COL23A1: variants seen among roughly 807,000 people sequenced by gnomAD.
COL23A1 encodes the protein collagen type XXIII alpha 1 chain.
COL23A1 carries 97 observed loss-of-function variants against 99.3 expected under a neutral mutation model. The observed-to-expected ratio is 0.98, with a 90% CI of 0.83 to 1.16. The LOEUF is 1.16. Among genes scored for constraint, COL23A1 ranks in the 50% most tolerant of loss-of-function variants. The pLI is 0.00. For missense variants in COL23A1, 762 were observed against 757.4 expected, an observed-to-expected ratio of 1.01 and a Z score of -0.07; for synonymous variants, 320 against 308.2, an observed-to-expected ratio of 1.04 and a Z score of -0.40.
At chr5:178,505,803 T>C (rs1758835959) in intron 2 of COL23A1, among the ~76,000 whole-genome samples, 1 of 152,104 alleles carries the variant, frequency 6.6e-6, no homozygotes, top group South Asian at 2.1e-4. Context: ...GCATCCAGAA[T>C]GGGCCCAGAG....
intron 2 of COL23A1, among the ~76,000 whole-genome samples, chr5:178,487,287 G>GTTTTTTTTT (rs778127626): frequency 7.3e-6 from 1 of 137,462 alleles, no homozygotes; most frequent in African/African-American, 2.7e-5. Context: ...ACCAGCCTCA[G>GTTTTTTTTT]TTTTATTTAT....
chr5:178,257,334 A>G (rs1489357635), intron 13 of COL23A1, among the ~76,000 whole-genome samples, 189 bp downstream of exon 13: 1 of 152,110 alleles, frequency 6.6e-6, no homozygotes, highest in Non-Finnish European at 1.5e-5. Flanking sequence ...AGGGAGGCAC[A>G]TGGCCCGGGT....
intron 1 of COL23A1, among the ~76,000 whole-genome samples, chr5:178,566,998 G>C (rs1047977446): frequency 2.6e-5 from 4 of 152,126 alleles, no homozygotes; most frequent in Admixed American, 6.5e-5. Context: ...TGAGTAATGA[G>C]AGCCAGGTTT....
At chr5:178,305,356 A>G (rs1758294540) in intron 3 of COL23A1, among the ~76,000 whole-genome samples, 1 of 152,026 alleles carries the variant, frequency 6.6e-6, no homozygotes, top group South Asian at 2.1e-4. Flanking sequence ...GCCCAGCTCC[A>G]GGGAGAAGAG....
intron 28 of COL23A1, 134 bp downstream of exon 28, chr5:178,239,007 C>G (rs1202354596): frequency 5.9e-6 from 6 of 1,023,830 alleles, no homozygotes; most frequent in African/African-American, 1.6e-5. Flanking sequence ...GGAAACCTGG[C>G]TATTCAGTCA....
intron 2 of COL23A1, among the ~76,000 whole-genome samples, chr5:178,491,035 AAGAGAGAAG>A (rs1417104581): frequency 6.6e-6 from 1 of 151,902 alleles, no homozygotes. Flanking sequence ...AAAGAAAGCT[AAGAGAGAAG>A]AGAGAGGAGA....
chr5:178,380,583 A>G (rs1258476470), intron 2 of COL23A1, among the ~76,000 whole-genome samples: 1 of 152,198 alleles, frequency 6.6e-6, no homozygotes, highest in African/African-American at 2.4e-5. Context: ...AACAGAATGT[A>G]TACATTTCTA....
rs1756868501 is a variant in COL23A1 at position 178,281,013 on chromosome 5, CTT to C, written c.441+7309_441+7310del. On this transcript the variant is annotated intron_variant, in intron 5 of 28. Coordinates refer to ENST00000390654, the MANE Select transcript of COL23A1 (RefSeq NM_173465.4). This position sits in a 1 kb window ranked among gnomAD's most constrained non-coding sequence, Gnocchi z 4.0. ...AAGACAAGAGGCTGGACTCAAGAGA[CTT>C]AGGGCCCTGGGGAGAACGGCCAGCA... 6.6e-6 allele frequency among the ~76,000 whole-genome samples: 1 copy of C among 152,144 alleles called. No individual in the cohort carries two copies. The highest frequency in any genetic ancestry group is 2.4e-5 in the African/African-American group (1 of 41,432).
intron 17 of COL23A1, among the ~76,000 whole-genome samples, chr5:178,252,075 G>T (rs528239416): frequency 6.6e-6 from 1 of 151,686 alleles, no homozygotes; most frequent in South Asian, 2.1e-4. Context: ...CACCACGCCC[G>T]GCTAATTTTT....
At position 178,516,602 on chromosome 5, in the gene COL23A1, G is replaced by A. The variant is rs141404158; in HGVS notation, c.361+44080C>T. On this transcript the variant is annotated intron_variant, in intron 2 of 28. Coordinates refer to ENST00000390654, the MANE Select transcript of COL23A1 (RefSeq NM_173465.4). ...GTGCTGAAATCTTATTTCCTGGAAC[G>A]CGCCAGGCCCTGTCTCTTTCCACGT... 5.1e-4 allele frequency among the ~76,000 whole-genome samples: 77 copies of A among 152,280 alleles called. 2 individuals carry two copies. The highest frequency in any genetic ancestry group is 1.7e-3 in the African/African-American group (70 of 41,564).
chr5:178,465,868 C>T (rs1313504316), intron 2 of COL23A1, among the ~76,000 whole-genome samples: 1 of 152,194 alleles, frequency 6.6e-6, no homozygotes, highest in African/African-American at 2.4e-5. Context: ...TACCAACCAG[C>T]GGTGGTGTGG....
chr5:178,486,511 C>A (rs148117650), intron 2 of COL23A1, among the ~76,000 whole-genome samples: 3 of 151,624 alleles, frequency 2.0e-5, no homozygotes, highest in East Asian at 2.0e-4. Flanking sequence ...ACGGTTACTA[C>A]GCTCAACGAG....
At position 178,308,454 on chromosome 5, in the gene COL23A1, A is replaced by G. The variant is rs1371962507; in HGVS notation, c.362-1535T>C. On this transcript the variant is annotated intron_variant, in intron 2 of 28. Coordinates refer to ENST00000390654, the MANE Select transcript of COL23A1 (RefSeq NM_173465.4). The surrounding 1 kb of genome is among the most constrained non-coding windows in gnomAD (Gnocchi z 5.1). ...CTTGGTTTTCTCCCATCCTGGACAC[A>G]GACCCTGAATTTGGGGTTTATGCTG... Among the ~76,000 whole-genome samples the G allele has an allele frequency of 6.6e-6, 1 of 152,218 alleles. No individual in the cohort carries two copies. The highest frequency in any genetic ancestry group is 2.4e-5 in the African/African-American group (1 of 41,460).
chr5:178,397,611 C>T (rs1168938534), intron 2 of COL23A1, among the ~76,000 whole-genome samples: 1 of 152,244 alleles, frequency 6.6e-6, no homozygotes, highest in African/African-American at 2.4e-5. Context: ...GCCATAAATG[C>T]ACCTGCTGTT....
rs953460856 is a variant in COL23A1, at chr5:178,309,908, G to A, written c.362-2989C>T. ...GTCCCCAACTCCCACTGCAGGACAC[G>A]ACCAAGTGATGTGTGTTCAGGGGAG... is the stretch of plus-strand genomic sequence containing the variant. On this transcript the variant is annotated intron_variant, in intron 2 of 28. Coordinates refer to ENST00000390654, the MANE Select transcript of COL23A1 (RefSeq NM_173465.4). The surrounding 1 kb of genome is among the most constrained non-coding windows in gnomAD (Gnocchi z 4.7). Among the ~76,000 whole-genome samples the A allele has an allele frequency of 9.4e-4, 139 of 147,284 alleles. No individual in the cohort carries two copies. The highest frequency in any genetic ancestry group is 5.8e-4 in the Non-Finnish European group (39 of 66,702).
chr5:178,468,863 C>T lies in COL23A1; in HGVS notation c.361+91819G>A, dbSNP rs1260623515. On this transcript the variant is annotated intron_variant, in intron 2 of 28. Transcript: ENST00000390654. This position sits in a 1 kb window ranked among gnomAD's most constrained non-coding sequence, Gnocchi z 4.2. The stretch of plus-strand genomic sequence containing the variant: ...CCATCAGCACCCTCCACCTCCAGGA[C>T]GTTTTCATCTTCCCCTGCTGAAACT... 1.3e-5 allele frequency among the ~76,000 whole-genome samples: 2 copies of T among 152,168 alleles called. No homozygotes were observed. The highest frequency in any genetic ancestry group is 6.5e-5 in the Admixed American group (1 of 15,284).
chr5:178,534,285 T>C (rs1384592870), intron 2 of COL23A1, among the ~76,000 whole-genome samples: 2 of 152,124 alleles, frequency 1.3e-5, no homozygotes, highest in African/African-American at 4.8e-5. Context: ...CTGGGGTTCA[T>C]TTCCTAAGGG....
intron 2 of COL23A1, among the ~76,000 whole-genome samples, chr5:178,523,265 G>A (rs1434135313): frequency 1.4e-5 from 2 of 145,020 alleles, no homozygotes; most frequent in Admixed American, 1.4e-4. Flanking sequence ...GACAGAGAGA[G>A]AGAGAGAGAG....
At chr5:178,265,789 T>G (rs1755856325) in intron 8 of COL23A1, 5 of 853,382 alleles carry the variant, frequency 5.9e-6, no homozygotes, top group Non-Finnish European at 7.1e-6. Context: ...ACTACAAGGC[T>G]TTTTGAAACC....
Sources: gnomAD v4.1 joint callset for allele counts (sites outside exome capture counted in the v4.1 genomes callset) on GRCh38, gnomAD v4.1.1 for gene constraint, Gnocchi (gnomAD v3.1) non-coding constraint, MANE v1.5 for transcripts, NCBI Gene and HGNC (gene_info 2026-07-23, HGNC 2026-07-21) for gene names.